Variants in PCDHGB3 observed in about 807,000 individuals in gnomAD.
PCDHGB3 encodes the protein protocadherin gamma-B3.
A neutral mutation model predicts 59.2 loss-of-function variants in PCDHGB3; 40 were observed. The ratio of observed to expected loss-of-function variants is 0.68; its 90% confidence interval spans 0.52 to 0.88. PCDHGB3 has a LOEUF of 0.88. Ranked by LOEUF, PCDHGB3 falls within the 40% of genes least tolerant of loss-of-function variation. PCDHGB3 has a pLI of 0.00. For missense variants in PCDHGB3, 1,309 were observed against 1,187.9 expected, an observed-to-expected ratio of 1.10 and a Z score of -1.50; for synonymous variants, 581 against 503.6, an observed-to-expected ratio of 1.15 and a Z score of -2.06.
chr5:141,404,081 G>A (rs1436868245), intron 1 of PCDHGB3: 10 of 1,613,302 alleles, frequency 6.2e-6, no homozygotes, highest in South Asian at 2.2e-5. Context: ...CCGAGACTCC[G>A]GGAAGAATGG....
At position 141,477,272 on chromosome 5, in the gene PCDHGB3, C is replaced by G. The variant is rs2099408579; in HGVS notation, c.2416-17535C>G. The G allele has an allele frequency of 1.2e-6, 2 of 1,614,090 alleles. No homozygotes were observed. The highest frequency in any genetic ancestry group is 1.7e-6 in the Non-Finnish European group (2 of 1,180,048). Reference sequence around the variant, plus strand: ...TGACCTGGATGCTGGCGAGAACGGGCTGGTGACCTGCGAAGTTCCACCGGG... The same window carrying G: ...TGACCTGGATGCTGGCGAGAACGGGGTGGTGACCTGCGAAGTTCCACCGGG... On this transcript the variant is annotated intron_variant, in intron 1 of 3. Coordinates refer to ENST00000576222, the MANE Select transcript of PCDHGB3 (RefSeq NM_018924.5). This position sits in a 1 kb window ranked among gnomAD's most constrained non-coding sequence, Gnocchi z 4.9.
At chr5:141,391,561 G>T (rs2092390304) in intron 1 of PCDHGB3, 2 of 152,026 alleles carry the variant, frequency 1.3e-5, no homozygotes. Flanking sequence ...TTTTCCATAT[G>T]CATAAGAAAA....
At chr5:141,488,083 C>T (rs917074240) in intron 1 of PCDHGB3, among the ~76,000 whole-genome samples, 1 of 152,152 alleles carries the variant, frequency 6.6e-6, no homozygotes, top group African/African-American at 2.4e-5. Context: ...GTATCTAGTA[C>T]ACTGTGAAGG....
At chr5:141,441,962 G>A in intron 1 of PCDHGB3, 1 of 313,768 alleles carries the variant, frequency 3.2e-6, no homozygotes, top group Admixed American at 4.1e-5. Context: ...AGCAAGCCCA[G>A]GCTCTTCAGC....
In PCDHGB3 at chr5:141,493,577, T is replaced by C. The variant is rs2099749081; in HGVS notation, c.2416-1230T>C. On this transcript the variant is annotated intron_variant, in intron 1 of 3. Coordinates refer to ENST00000576222, the MANE Select transcript of PCDHGB3 (RefSeq NM_018924.5). This position sits in a 1 kb window ranked among gnomAD's most constrained non-coding sequence, Gnocchi z 4.3. ...GAGTTCCCCCAGCTCCGTTTCCTCC[T>C]ATCACAATCACTGCATTTCCATGTA... Among the ~76,000 whole-genome samples, 2 of 152,208 alleles carry C rather than the reference T, an allele frequency of 1.3e-5. No homozygotes were observed. The highest frequency in any genetic ancestry group is 1.3e-4 in the Admixed American group (2 of 15,280).
At position 141,372,000 on chromosome 5, in the gene PCDHGB3, G is replaced by C. The variant is rs762846056; in HGVS notation, c.1606G>C (p.Asp536His). ...RAFELTLQAR[D>H]QGSPTLSANV... ...CTTCGAGCTCACTCTGCAGGCCCGCGACCAGGGCTCGCCTACGCTCAGCGC... is the reference window on the plus strand; with the variant it reads ...CTTCGAGCTCACTCTGCAGGCCCGCCACCAGGGCTCGCCTACGCTCAGCGC... Residue 536 changes from aspartate (D) to histidine (H), a missense_variant, in exon 1 of 4, where the codon GAC (aspartate) becomes CAC (histidine). Transcript: ENST00000576222. 3 of 1,613,268 alleles carry C rather than the reference G, an allele frequency of 1.9e-6. No individual in the cohort carries two copies. Among genetic ancestry groups the C allele is most frequent in the Middle Eastern group, 1.7e-4 (1 of 6,042 alleles).
Position 141,491,507 on chromosome 5 carries a change from C to G in PCDHGB3, c.2416-3300C>G, listed in dbSNP as rs755899622. The stretch of plus-strand genomic sequence containing the variant: ...AACCTGCAGGTGAGCTCGGACGGCA[C>G]GCTCAAGTACATGGAGGTGACGCTG... On this transcript the variant is annotated intron_variant, in intron 1 of 3. Coordinates refer to ENST00000576222, the MANE Select transcript of PCDHGB3 (RefSeq NM_018924.5). This position sits in a 1 kb window ranked among gnomAD's most constrained non-coding sequence, Gnocchi z 6.9. 1.5e-5 allele frequency: 24 copies of G among 1,614,038 alleles called. No individual in the cohort carries two copies. The highest frequency in any genetic ancestry group is 2.0e-5 in the Non-Finnish European group (24 of 1,180,016).
At position 141,427,408 on chromosome 5, in the gene PCDHGB3, G is replaced by C. The variant is rs975709597; in HGVS notation, c.2415+54599G>C. ...TTCAAAACACATGATAAAGATTCGA[G>C]AGAAAATGGGGAGGTTACATGCCTC... On this transcript the variant is annotated intron_variant, in intron 1 of 3. Coordinates refer to ENST00000576222, the MANE Select transcript of PCDHGB3 (RefSeq NM_018924.5). The C allele has an allele frequency of 1.3e-5, 6 of 463,300 alleles. No homozygotes were observed. In the Admixed American group the frequency reaches 1.4e-4, roughly 11 times the overall value. The allele number at this position is 463,300 out of a possible 1,614,324, so 28.7% of individuals were successfully genotyped here. A position where few individuals can be genotyped will look rare whatever the true frequency, so the allele number is the denominator to read the frequency against.
At chr5:141,389,191 T>G in intron 1 of PCDHGB3, 1 of 1,614,050 alleles carries the variant, frequency 6.2e-7, no homozygotes, top group African/African-American at 1.3e-5. Context: ...AGTTCCAGCA[T>G]CACCCTGCAC....
rs2099641707 is a variant in PCDHGB3 at position 141,487,238 on chromosome 5, C to T, written c.2416-7569C>T. 1.2e-6 allele frequency: 2 copies of T among 1,614,056 alleles called. No individual in the cohort carries two copies. The highest frequency in any genetic ancestry group is 1.7e-6 in the Non-Finnish European group (2 of 1,180,022). On this transcript the variant is annotated intron_variant, in intron 1 of 3. Transcript: ENST00000576222. This position sits in a 1 kb window ranked among gnomAD's most constrained non-coding sequence, Gnocchi z 5.0. ...AGCTCCAAGGGAAGGAGAATCTCGT[C>T]TAACCCTCTACTTGGCTGTGTCCCT...
intron 1 of PCDHGB3, among the ~76,000 whole-genome samples, chr5:141,460,628 G>C (rs2098993821): frequency 6.6e-6 from 1 of 151,958 alleles, no homozygotes; most frequent in African/African-American, 2.4e-5. Flanking sequence ...GACAGATACA[G>C]ATATATAACT....
At chr5:141,407,175 C>T (rs752092856) in intron 1 of PCDHGB3, among the ~76,000 whole-genome samples, 39 of 152,166 alleles carry the variant, frequency 2.6e-4, no homozygotes, top group Non-Finnish European at 5.4e-4. Flanking sequence ...TTATGACATA[C>T]AGACATTTTA....
intron 1 of PCDHGB3, chr5:141,414,687 T>G: frequency 1.2e-6 from 2 of 1,614,004 alleles, no homozygotes; most frequent in East Asian, 4.5e-5. Flanking sequence ...AGGGGGTACC[T>G]CTGTCCTCAT....
Position 141,476,682 on chromosome 5 carries a change from A to G in PCDHGB3, c.2416-18125A>G, listed in dbSNP as rs987205396. The G allele has an allele frequency of 6.2e-7, 1 of 1,614,072 alleles. No individual in the cohort carries two copies. Among genetic ancestry groups the G allele is most frequent in the African/African-American group, 1.3e-5 (1 of 74,934 alleles). ...GCGCTTCGCGTGCAGACGCGGGAGG[A>G]CAGCACCAAGTACGCGGAGCTGGTG... On this transcript the variant is annotated intron_variant, in intron 1 of 3. Coordinates refer to ENST00000576222, the MANE Select transcript of PCDHGB3 (RefSeq NM_018924.5). The surrounding 1 kb of genome is among the most constrained non-coding windows in gnomAD (Gnocchi z 7.6).
At position 141,489,072 on chromosome 5, in the gene PCDHGB3, A is replaced by AC; in HGVS notation, c.2416-5730dup. The AC allele has an allele frequency of 1.3e-5, 2 of 157,710 alleles. No homozygotes were observed. Among genetic ancestry groups the AC allele is most frequent in the Non-Finnish European group, 1.2e-5 (1 of 83,996 alleles). 9.8% of individuals were successfully genotyped at this position (157,710 alleles called of 1,614,324 possible). A position where few individuals can be genotyped will look rare whatever the true frequency, so the allele number is the denominator to read the frequency against. On this transcript the variant is annotated intron_variant, in intron 1 of 3. Transcript: ENST00000576222. This position sits in a 1 kb window ranked among gnomAD's most constrained non-coding sequence, Gnocchi z 4.5. The stretch of plus-strand genomic sequence containing the variant: ...AATTCAGCTCCCCTCCCCCCTGCCC[A>AC]CCCCCGCCACTCGGTGACTAAGAAC...
rs538734954 is a variant in PCDHGB3 at position 141,494,863 on chromosome 5, C to T, written c.2472C>T (p.Ser824=). The change falls in exon 2 of 4, where the codon AGC becomes AGT. Residue 824 remains serine, a splice_region_variant and synonymous_variant. Coordinates refer to ENST00000576222, the MANE Select transcript of PCDHGB3 (RefSeq NM_018924.5). The part of the protein sequence containing the change: ...RFSQAQRPGT[S]GSQNGDDTGT... ...CTCAGGCCCAGAGACCCGGCACCAG[C>T]GGGTAGGTGACTGATTCTCCAGCCC... 2 of 1,614,118 alleles carry T rather than the reference C, an allele frequency of 1.2e-6. No individual in the cohort carries two copies. Among genetic ancestry groups the T allele is most frequent in the East Asian group, 2.2e-5 (1 of 44,874 alleles).
At chr5:141,376,554 C>A in intron 1 of PCDHGB3, 1 of 1,611,072 alleles carries the variant, frequency 6.2e-7, no homozygotes, top group Non-Finnish European at 8.5e-7. Flanking sequence ...GATCTTCCCG[C>A]AACCCAACTA....
rs758578821 is a variant in PCDHGB3 at position 141,486,659 on chromosome 5, G to C, written c.2416-8148G>C. The C allele has an allele frequency of 6.8e-6, 11 of 1,613,944 alleles. No individual in the cohort carries two copies. The highest frequency in any genetic ancestry group is 8.5e-6 in the Non-Finnish European group (10 of 1,180,026). On this transcript the variant is annotated intron_variant, in intron 1 of 3. Coordinates refer to ENST00000576222, the MANE Select transcript of PCDHGB3 (RefSeq NM_018924.5). The surrounding 1 kb of genome is among the most constrained non-coding windows in gnomAD (Gnocchi z 5.0). ...TGCGCTTATCTCCTACTCACTCCTGGAGCCCAGGAATCGAGATGTATCAGC... is the reference window on the plus strand; with the variant it reads ...TGCGCTTATCTCCTACTCACTCCTGCAGCCCAGGAATCGAGATGTATCAGC...
Position 141,431,687 on chromosome 5 carries a change from G to A in PCDHGB3, c.2415+58878G>A. On this transcript the variant is annotated intron_variant, in intron 1 of 3. Transcript: ENST00000576222. This position sits in a 1 kb window ranked among gnomAD's most constrained non-coding sequence, Gnocchi z 4.8. ...ATCAACAATAGGGGAGTTGGACCAC[G>A]AGGAGTCAGGATTCTACCAGATGGA... The A allele has an allele frequency of 1.9e-6, 3 of 1,614,214 alleles. No homozygotes were observed. Among genetic ancestry groups the A allele is most frequent in the Middle Eastern group, 1.6e-4 (1 of 6,062 alleles).
Sources: allele counts gnomAD v4.1 joint callset (sites outside exome capture counted in the v4.1 genomes callset), GRCh38; gene constraint gnomAD v4.1.1; non-coding constraint Gnocchi (gnomAD v3.1); transcripts MANE v1.5; gene names NCBI Gene and HGNC (gene_info 2026-07-23, HGNC 2026-07-21).